The following COL11A1 variants were observed in gnomAD, a reference collection of about 807,000 sequenced individuals.
COL11A1 encodes collagen alpha-1(XI) chain.
In COL11A1, 74 loss-of-function variants were observed where a neutral mutation model predicts 265.2. That is an observed-to-expected ratio of 0.28 (90% CI 0.23 to 0.34). The LOEUF is 0.34. Among genes scored for constraint, COL11A1 ranks in the 10% least tolerant of loss-of-function variants. The probability of loss-of-function intolerance (pLI) is 1.00; values close to 1 mark genes in which losing one functional copy is unlikely to be tolerated. For missense variants in COL11A1, 2,165 were observed against 2,263.6 expected (o/e 0.96, Z 0.88); for synonymous variants, 816 against 727.6 (o/e 1.12, Z -1.96).
chr1:102,928,905 G>C (rs1190430969), intron 46 of COL11A1, among the ~76,000 whole-genome samples: 2 of 70,628 alleles, frequency 2.8e-5, no homozygotes, highest in Non-Finnish European at 7.8e-5. Context: ...TTTGAGAAGT[G>C]TCTGTTCATG....
chr1:102,934,899 A>G (rs1431930872), intron 45 of COL11A1, among the ~76,000 whole-genome samples, 161 bp downstream of exon 45: 1 of 152,258 alleles, frequency 6.6e-6, no homozygotes, highest in Non-Finnish European at 1.5e-5. Flanking sequence ...GTTTCTAAGA[A>G]TCAGCACGGC....
At chr1:102,881,445 T>C (rs998280049) in intron 65 of COL11A1, among the ~76,000 whole-genome samples, 3 of 152,180 alleles carry the variant, frequency 2.0e-5, no homozygotes, top group Non-Finnish European at 4.4e-5. Flanking sequence ...AGGTACTTAA[T>C]AAATTGTATG....
intron 41 of COL11A1, among the ~76,000 whole-genome samples, chr1:102,955,973 A>G (rs865794920): frequency 6.6e-6 from 1 of 152,146 alleles, no homozygotes; most frequent in Non-Finnish European, 1.5e-5. Flanking sequence ...AACATCACGT[A>G]TACAGGGAAC....
intron 57 of COL11A1, 54 bp downstream of exon 57, chr1:102,898,071 C>A: frequency 8.5e-7 from 1 of 1,177,758 alleles, no homozygotes; most frequent in Non-Finnish European, 1.2e-6. Context: ...AGCTAATAAA[C>A]AATTTTGTTT....
intron 37 of COL11A1, among the ~76,000 whole-genome samples, chr1:102,968,244 T>C (rs1661632647): frequency 6.6e-6 from 1 of 152,232 alleles, no homozygotes; most frequent in African/African-American, 2.4e-5. Flanking sequence ...TAATTGGACA[T>C]ATTCATGGGT....
intron 57 of COL11A1, among the ~76,000 whole-genome samples, chr1:102,892,726 C>G (rs1318260382): frequency 1.3e-5 from 2 of 152,068 alleles, no homozygotes; most frequent in African/African-American, 4.8e-5. Flanking sequence ...GTATTTTAGA[C>G]TATTATTAGG....
At chr1:103,084,390 A>T (rs538857343) in intron 1 of COL11A1, among the ~76,000 whole-genome samples, 1 of 152,272 alleles carries the variant, frequency 6.6e-6, no homozygotes, top group East Asian at 1.9e-4. Context: ...AAATAATTGA[A>T]AGCTGGGACT....
At chr1:102,914,326 T>A in intron 52 of COL11A1, 26 bp downstream of exon 52, 1 of 1,571,306 alleles carries the variant, frequency 6.4e-7, no homozygotes, top group Non-Finnish European at 8.7e-7. Context: ...TCCAAAATAA[T>A]TTCTTGATTT....
chr1:102,980,974 C>T (rs1662978809), intron 31 of COL11A1, among the ~76,000 whole-genome samples: 1 of 151,982 alleles, frequency 6.6e-6, no homozygotes, highest in Non-Finnish European at 1.5e-5. Context: ...GCCCTATTCC[C>T]AATTTGAAAG....
chr1:103,001,423 A>T (rs1665099007), intron 24 of COL11A1: 1 of 404,484 alleles, frequency 2.5e-6, no homozygotes, highest in Admixed American at 4.1e-5. Context: ...AGTGGAGATC[A>T]GGGAAAAAGA....
At chr1:103,048,602 G>A (rs1463292931) in intron 4 of COL11A1, among the ~76,000 whole-genome samples, 1 of 152,190 alleles carries the variant, frequency 6.6e-6, no homozygotes, top group East Asian at 1.9e-4. Flanking sequence ...ATTTCCTTCA[G>A]TTCTGCTCTA....
At chr1:102,945,437 A>G (rs1384409159) in intron 42 of COL11A1, among the ~76,000 whole-genome samples, 1 of 152,168 alleles carries the variant, frequency 6.6e-6, no homozygotes, top group African/African-American at 2.4e-5. Flanking sequence ...GTATTCTGTT[A>G]TAACTGCACA....
At chr1:102,902,839 T>C (rs113231285) in intron 54 of COL11A1, among the ~76,000 whole-genome samples, 3 of 149,920 alleles carry the variant, frequency 2.0e-5, no homozygotes, top group Non-Finnish European at 3.0e-5. Context: ...TATATATATA[T>C]ACACACACAT....
chr1:103,025,698 T>G, intron 6 of COL11A1, 85 bp from the exon 7 acceptor site: 2 of 1,564,270 alleles, frequency 1.3e-6, no homozygotes, highest in East Asian at 2.2e-5. Flanking sequence ...GGTTATAGTA[T>G]TAGCCAAGTG....
rs201972285 is a variant in COL11A1, at chr1:102,978,738, G to C, written c.2724C>G (p.Gly908=). The change falls in exon 35 of 67, where the codon GGC becomes GGG. Residue 908 remains glycine (G), a synonymous_variant. Coordinates refer to ENST00000370096, the MANE Select transcript of COL11A1 (RefSeq NM_001854.4). ...GKPGPKGTSG[G]DGPPGPPGER... Reference sequence around the variant, plus strand: ...CACCTGGAGGGCCAGGAGGGCCATCGCCACCTGAAGTGCCCTGGCACCAAG... The same window carrying C: ...CACCTGGAGGGCCAGGAGGGCCATCCCCACCTGAAGTGCCCTGGCACCAAG... 12 of 1,614,070 alleles carry C rather than the reference G, an allele frequency of 7.4e-6. 1 individual carries two copies. In the African/African-American group the frequency reaches 1.3e-4, roughly 18 times the overall value.
intron 41 of COL11A1, among the ~76,000 whole-genome samples, chr1:102,959,967 G>T (rs1248812975): frequency 1.3e-5 from 2 of 152,060 alleles, no homozygotes; most frequent in African/African-American, 4.8e-5. Flanking sequence ...GAATCTGAAG[G>T]TCTGGTTAAA....
chr1:103,106,175 A>T (rs1233385765), intron 1 of COL11A1, among the ~76,000 whole-genome samples: 1 of 152,196 alleles, frequency 6.6e-6, no homozygotes. Context: ...ATTTGATATT[A>T]AAAAATATTC....
At chr1:103,040,651 T>C (rs577514925) in intron 4 of COL11A1, among the ~76,000 whole-genome samples, 1 of 151,816 alleles carries the variant, frequency 6.6e-6, no homozygotes, top group East Asian at 1.9e-4. Flanking sequence ...ACATTTGTTG[T>C]CCAAAATAAT....
chr1:102,879,537 C>T (rs1570607112), intron 66 of COL11A1, 146 bp downstream of exon 66: 1 of 726,780 alleles, frequency 1.4e-6, no homozygotes, highest in Non-Finnish European at 2.4e-6. Context: ...TCTCACATAC[C>T]ATAGTTTAAC....
Sources: allele counts gnomAD v4.1 joint callset (sites outside exome capture counted in the v4.1 genomes callset), GRCh38; gene constraint gnomAD v4.1.1; transcripts MANE v1.5; gene names NCBI Gene and HGNC (gene_info 2026-07-23, HGNC 2026-07-21).